Variants in TRHDE observed in about 807,000 individuals in gnomAD.
TRHDE encodes thyrotropin releasing hormone degrading enzyme.
A neutral mutation model predicts 125.7 loss-of-function variants in TRHDE; 72 were observed. The ratio of observed to expected loss-of-function variants is 0.57; its 90% CI spans 0.47 to 0.70. The LOEUF (loss-of-function observed/expected upper bound fraction) is 0.70. Ranked by LOEUF, TRHDE falls within the 30% of genes least tolerant of loss-of-function variation. The pLI, the probability that TRHDE is intolerant of heterozygous loss-of-function variation, is 0.00. For missense variants in TRHDE, 1,110 were observed against 1,327.1 expected, an observed-to-expected ratio of 0.84 and a Z score of 2.54; for synonymous variants, 509 against 509.1, an observed-to-expected ratio of 1.00 and a Z score of 0.00.
At position 72,120,463 on chromosome 12, in the gene TRHDE, C is replaced by G. The variant is rs189496458; in HGVS notation, n.279+14711C>G. Among the ~76,000 whole-genome samples the G allele has an allele frequency of 1.4e-3, 209 of 151,986 alleles. 1 individual carries two copies. The highest frequency in any genetic ancestry group is 4.6e-3 in the African/African-American group (192 of 41,464). ...ACCTTCCTTTAAGGTGATTTTCTCT[C>G]GTGGTATGTTTTAATTTCTTGCTTT... On this transcript the variant is annotated intron_variant and non_coding_transcript_variant, in intron 2 of 4. Transcript: ENST00000548156.
Position 72,528,111 on chromosome 12 carries a change from A to G in TRHDE, c.1723-14180A>G, listed in dbSNP as rs571681061. On this transcript the variant is annotated intron_variant, in intron 6 of 18. Coordinates refer to ENST00000261180, the MANE Select transcript of TRHDE (RefSeq NM_013381.3). ...CTTCTTTAAGATTATGCCATCTTTT[A>G]TATTAGATGGAAATTGGGAAAGTAT... Among the ~76,000 whole-genome samples, 4 of 152,278 alleles carry G rather than the reference A, an allele frequency of 2.6e-5. No homozygotes were observed. In the South Asian group the frequency reaches 8.3e-4, roughly 32 times the overall value.
intron 2 of TRHDE, among the ~76,000 whole-genome samples, chr12:72,177,863 T>C (rs1877020932): frequency 6.6e-6 from 1 of 152,038 alleles, no homozygotes; most frequent in African/African-American, 2.4e-5. Context: ...AATAAAAAAA[T>C]ACAAGTGAGT....
At chr12:72,286,570 A>C in intron 1 of TRHDE, 111 bp from the exon 2 acceptor site, 1 of 1,093,604 alleles carries the variant, frequency 9.1e-7, no homozygotes, top group Non-Finnish European at 1.3e-6. Context: ...GTTCAGAAAA[A>C]AATATTGCAA....
intron 2 of TRHDE, among the ~76,000 whole-genome samples, chr12:72,362,250 C>A (rs904722407): frequency 6.7e-6 from 1 of 148,680 alleles, no homozygotes; most frequent in African/African-American, 2.5e-5. Flanking sequence ...TTAATGATTG[C>A]CATTCTAACT....
chr12:72,149,648 A>T (rs1047730789), intron 2 of TRHDE, among the ~76,000 whole-genome samples: 3 of 152,134 alleles, frequency 2.0e-5, no homozygotes, highest in Non-Finnish European at 4.4e-5. Context: ...ATTGTAAACA[A>T]CTAAATAAAA....
chr12:72,364,408 A>C (rs1188677028), intron 2 of TRHDE, among the ~76,000 whole-genome samples: 2 of 152,014 alleles, frequency 1.3e-5, no homozygotes, highest in Non-Finnish European at 2.9e-5. Flanking sequence ...ATCCCCTTTG[A>C]AAACTTATTA....
intron 2 of TRHDE, among the ~76,000 whole-genome samples, chr12:72,118,114 G>A (rs1875491996): frequency 6.6e-6 from 1 of 152,008 alleles, no homozygotes; most frequent in Non-Finnish European, 1.5e-5. Context: ...TTTAGTAACA[G>A]TGGTGAAAGT....
chr12:72,183,627 G>A (rs932579452), intron 2 of TRHDE, among the ~76,000 whole-genome samples: 21 of 152,108 alleles, frequency 1.4e-4, no homozygotes, highest in Non-Finnish European at 2.4e-4. Context: ...ACTTCATTAA[G>A]CACCATAATA....
intron 3 of TRHDE, among the ~76,000 whole-genome samples, chr12:72,397,249 C>T: frequency 6.6e-6 from 1 of 152,112 alleles, no homozygotes; most frequent in East Asian, 1.9e-4. Flanking sequence ...AGGTTTTTGC[C>T]TTAAAAATAA....
At chr12:72,599,186 A>G (rs774523040) in intron 12 of TRHDE, among the ~76,000 whole-genome samples, 1 of 152,148 alleles carries the variant, frequency 6.6e-6, no homozygotes, top group African/African-American at 2.4e-5. Context: ...TGCAACAAAC[A>G]TAAAGAGTGC....
chr12:72,603,656 C>T (rs758129670), intron 12 of TRHDE, among the ~76,000 whole-genome samples: 14 of 151,930 alleles, frequency 9.2e-5, no homozygotes, highest in Admixed American at 2.0e-4. Flanking sequence ...AACGGGGAGG[C>T]GGAGCTTGCA....
At chr12:72,601,936 A>G (rs977888800) in intron 12 of TRHDE, among the ~76,000 whole-genome samples, 6 of 152,154 alleles carry the variant, frequency 3.9e-5, no homozygotes, top group Admixed American at 3.9e-4. Flanking sequence ...GTACATGGTA[A>G]CAAATTTTGA....
At chr12:72,248,147 C>T (rs561667197) in intron 2 of TRHDE, among the ~76,000 whole-genome samples, 3 of 152,132 alleles carry the variant, frequency 2.0e-5, no homozygotes, top group Admixed American at 1.3e-4. Context: ...AGGCCGGGTG[C>T]GGTGGCTCAC....
In TRHDE at chr12:72,451,709, A is replaced by G. The variant is rs547039050; in HGVS notation, c.1316-18049A>G. On this transcript the variant is annotated intron_variant, in intron 3 of 18. Transcript: ENST00000261180. Reference sequence around the variant, plus strand: ...TCATTTGACAGGAATTACATTGAATATATAGATTGCTTTGGGTAATTTATC... The same window carrying G: ...TCATTTGACAGGAATTACATTGAATGTATAGATTGCTTTGGGTAATTTATC... Among the ~76,000 whole-genome samples, 5 of 152,314 alleles carry G rather than the reference A, an allele frequency of 3.3e-5. No individual in the cohort carries two copies. In the South Asian group the frequency reaches 1.0e-3, roughly 32 times the overall value.
At chr12:72,222,493 A>G (rs1878021194) in intron 2 of TRHDE, among the ~76,000 whole-genome samples, 1 of 149,872 alleles carries the variant, frequency 6.7e-6, no homozygotes. Flanking sequence ...CTTAAAACAG[A>G]GATTTCTGGA....
At chr12:72,248,777 G>A (rs978646833) in intron 2 of TRHDE, among the ~76,000 whole-genome samples, 42 of 152,296 alleles carry the variant, frequency 2.8e-4, no homozygotes, top group African/African-American at 9.6e-4. Flanking sequence ...CTTGAAGAGC[G>A]CACAATTAAG....
intron 2 of TRHDE, among the ~76,000 whole-genome samples, chr12:72,375,469 C>T (rs544825868): frequency 1.0e-3 from 153 of 152,282 alleles, no homozygotes; most frequent in African/African-American, 3.4e-3. Flanking sequence ...GGTGTACAGA[C>T]AGCTTGACTA....
intron 2 of TRHDE, among the ~76,000 whole-genome samples, chr12:72,333,249 A>G (rs1232400013): frequency 6.6e-6 from 1 of 152,246 alleles, no homozygotes; most frequent in Non-Finnish European, 1.5e-5. Context: ...AATACAGATT[A>G]AATCAGAAAA....
intron 3 of TRHDE, 144 bp from the exon 4 acceptor site, chr12:72,469,614 G>A: frequency 1.3e-6 from 1 of 745,728 alleles, no homozygotes; most frequent in Non-Finnish European, 2.2e-6. Flanking sequence ...ATGTAAAAAT[G>A]GCAAGTAGTT....
Sources: gnomAD v4.1 joint callset for allele counts (sites outside exome capture counted in the v4.1 genomes callset) on GRCh38, gnomAD v4.1.1 for gene constraint, MANE v1.5 for transcripts, NCBI Gene and HGNC (gene_info 2026-07-23, HGNC 2026-07-21) for gene names.